The following ENOX1 variants were observed in gnomAD, a reference collection of about 807,000 sequenced individuals.
ENOX1 encodes the protein candidate growth-related and time keeping constitutive hydroquinone (NADH) oxidase.
In ENOX1, 42 loss-of-function variants were observed where a neutral mutation model predicts 82.5. That is an observed-to-expected ratio of 0.51 (90% CI 0.40 to 0.66). ENOX1 has a LOEUF of 0.66. ENOX1 is among the 30% of genes least tolerant of loss of function. The pLI is 0.00. For synonymous variants in ENOX1, 271 were observed against 282.2 expected, an observed-to-expected ratio of 0.96 and a Z score of 0.40; for missense variants, 608 against 811.6, an observed-to-expected ratio of 0.75 and a Z score of 3.05.
intron 2 of ENOX1, 185 bp downstream of exon 2, chr13:43,667,294 T>A (rs565874202): frequency 5.2e-6 from 1 of 193,840 alleles, no homozygotes; most frequent in Non-Finnish European, 9.4e-6. Flanking sequence ...CTGTCACAGG[T>A]ACTTTGTAAA....
At chr13:43,489,298 C>T (rs2076538385) in intron 2 of ENOX1, among the ~76,000 whole-genome samples, 1 of 152,204 alleles carries the variant, frequency 6.6e-6, no homozygotes, top group Admixed American at 6.5e-5. Context: ...CTGCTCCCCA[C>T]ATTCTGTTAC....
At chr13:43,736,590 A>G (rs1243634691) in intron 1 of ENOX1, among the ~76,000 whole-genome samples, 1 of 152,080 alleles carries the variant, frequency 6.6e-6, no homozygotes, top group African/African-American at 2.4e-5. Context: ...AGTGGCATGC[A>G]TTGTCTGGTG....
intron 2 of ENOX1, among the ~76,000 whole-genome samples, chr13:43,551,006 G>T (rs1033664862): frequency 6.6e-5 from 10 of 152,080 alleles, no homozygotes; most frequent in Admixed American, 6.5e-4. Flanking sequence ...CTTTTTCCCA[G>T]TAACATCTTT....
intron 5 of ENOX1, among the ~76,000 whole-genome samples, chr13:43,409,081 A>T (rs78452621): frequency 0.036 from 5,512 of 151,782 alleles, 142 homozygotes; most frequent in South Asian, 0.09. Flanking sequence ...CTATTTGATA[A>T]ATGGATACAG....
At chr13:43,608,928 C>T (rs190866402) in intron 2 of ENOX1, among the ~76,000 whole-genome samples, 6 of 152,332 alleles carry the variant, frequency 3.9e-5, no homozygotes. Context: ...CAGCTACCCA[C>T]CTCCTTTCAT....
chr13:43,225,779 T>C (rs189270289), intron 15 of ENOX1, among the ~76,000 whole-genome samples: 43 of 152,330 alleles, frequency 2.8e-4, no homozygotes, highest in Non-Finnish European at 5.4e-4. Flanking sequence ...ATCCTCAGAA[T>C]GTTGCTTTCC....
chr13:43,632,363 A>G (rs920729155), intron 2 of ENOX1, among the ~76,000 whole-genome samples: 1 of 151,596 alleles, frequency 6.6e-6, no homozygotes, highest in Admixed American at 6.6e-5. Context: ...TTCATCAATT[A>G]TATTTTCTTT....
At chr13:43,298,683 T>C (rs1413731350) in intron 11 of ENOX1, among the ~76,000 whole-genome samples, 153 bp from the exon 12 acceptor site, 1 of 152,206 alleles carries the variant, frequency 6.6e-6, no homozygotes, top group Non-Finnish European at 1.5e-5. Context: ...CTCTCTTTTG[T>C]AGTCGGTATG....
intron 1 of ENOX1, among the ~76,000 whole-genome samples, chr13:43,699,918 T>G (rs2086824697): frequency 6.6e-6 from 1 of 152,190 alleles, no homozygotes; most frequent in Non-Finnish European, 1.5e-5. Flanking sequence ...AACTGAGATA[T>G]CCATCACCTC....
At chr13:43,535,455 C>T (rs1390163478) in intron 2 of ENOX1, among the ~76,000 whole-genome samples, 1 of 152,138 alleles carries the variant, frequency 6.6e-6, no homozygotes, top group African/African-American at 2.4e-5. Context: ...TATACCCTGC[C>T]TTCCAGTACC....
At chr13:43,518,132 T>C (rs1206559728) in intron 2 of ENOX1, among the ~76,000 whole-genome samples, 1 of 152,054 alleles carries the variant, frequency 6.6e-6, no homozygotes, top group East Asian at 1.9e-4. Flanking sequence ...ACAAAACCAA[T>C]CTAAGAAGTG....
intron 2 of ENOX1, among the ~76,000 whole-genome samples, chr13:43,611,640 G>C (rs894541036): frequency 1.3e-5 from 2 of 152,120 alleles, no homozygotes; most frequent in Admixed American, 6.6e-5. Context: ...ATGTAATTTA[G>C]GTAATTTCAA....
intron 2 of ENOX1, among the ~76,000 whole-genome samples, chr13:43,662,018 T>TA (rs2084757655): frequency 6.6e-6 from 1 of 152,092 alleles, no homozygotes; most frequent in Non-Finnish European, 1.5e-5. Context: ...ACAGCAATAC[T>TA]AATTCTTCCA....
Position 43,313,509 on chromosome 13 carries a change from T to G in ENOX1, c.1261+8875A>C, listed in dbSNP as rs116187724. On this transcript the variant is annotated intron_variant, in intron 11 of 16. Transcript: ENST00000690772. Reference sequence around the variant, plus strand: ...ACATGGATTTTTTCATAGATTCTCCTAGGTAATTTATAAATTAATATTTAT... The same window carrying G: ...ACATGGATTTTTTCATAGATTCTCCGAGGTAATTTATAAATTAATATTTAT... Among the ~76,000 whole-genome samples the G allele has an allele frequency of 3.2e-3, 486 of 152,280 alleles. 1 individual carries two copies. Among genetic ancestry groups the G allele is most frequent in the African/African-American group, 0.011 (461 of 41,560 alleles).
intron 2 of ENOX1, chr13:43,609,810 G>T (rs1428430426): frequency 2.5e-6 from 1 of 404,098 alleles, no homozygotes; most frequent in Non-Finnish European, 3.3e-6. Context: ...TTAATGTAAG[G>T]TGTATCAACA....
intron 8 of ENOX1, among the ~76,000 whole-genome samples, chr13:43,354,723 T>C (rs755025548): frequency 1.1e-4 from 16 of 152,340 alleles, no homozygotes; most frequent in East Asian, 5.8e-4. Flanking sequence ...GGCTCTGCCA[T>C]CTGGCCCAGA....
intron 1 of ENOX1, among the ~76,000 whole-genome samples, chr13:43,736,833 C>T (rs899624411): frequency 2.0e-5 from 3 of 152,280 alleles, no homozygotes; most frequent in African/African-American, 7.2e-5. Flanking sequence ...GCAGAAAACA[C>T]ATTTAGGTTC....
chr13:43,763,045 G>A (rs756890577), intron 1 of ENOX1, among the ~76,000 whole-genome samples: 21 of 152,116 alleles, frequency 1.4e-4, no homozygotes, highest in Non-Finnish European at 2.9e-4. Context: ...CGTCATTTTT[G>A]GAGAAGTTGA....
chr13:43,545,366 G>A, intron 2 of ENOX1: 1 of 152,242 alleles, frequency 6.6e-6, no homozygotes, highest in East Asian at 1.9e-4. Context: ...ACCCTAGGGT[G>A]GCATTTGCTG....
Sources: allele counts gnomAD v4.1 joint callset (sites outside exome capture counted in the v4.1 genomes callset), GRCh38; gene constraint gnomAD v4.1.1; transcripts MANE v1.5; gene names NCBI Gene and HGNC (gene_info 2026-07-23, HGNC 2026-07-21).